AFG3L2: variants seen among roughly 807,000 people sequenced by gnomAD.
AFG3L2 encodes the protein mitochondrial inner membrane m-AAA protease component AFG3L2.
A neutral mutation model predicts 94.5 loss-of-function variants in AFG3L2; 54 were observed. The observed-to-expected ratio is 0.57, with a 90% CI of 0.46 to 0.72. The LOEUF (loss-of-function observed/expected upper bound fraction) is 0.72, where lower values mean the gene tolerates loss of function less well. Ranked by LOEUF, AFG3L2 falls within the 30% of genes least tolerant of loss-of-function variation. AFG3L2 has a pLI of 0.00. For missense variants in AFG3L2, 754 were observed against 994.9 expected, an observed-to-expected ratio of 0.76 and a Z score of 3.26; for synonymous variants, 377 against 365.5, an observed-to-expected ratio of 1.03 and a Z score of -0.36.
At chr18:12,340,696 AG>A (rs1157119854) in intron 14 of AFG3L2, among the ~76,000 whole-genome samples, 3 of 152,142 alleles carry the variant, frequency 2.0e-5, no homozygotes, top group African/African-American at 7.2e-5. Flanking sequence ...CCCGGGTTCA[AG>A]TGATTCTCCT....
At chr18:12,345,171 A>C (rs1364803296) in intron 13 of AFG3L2, among the ~76,000 whole-genome samples, 4 of 152,246 alleles carry the variant, frequency 2.6e-5, no homozygotes, top group African/African-American at 9.6e-5. Flanking sequence ...AGCAAGCCAC[A>C]GAAGTGGCAG....
chr18:12,338,430 C>A (rs1365656411), intron 15 of AFG3L2, among the ~76,000 whole-genome samples: 1 of 152,138 alleles, frequency 6.6e-6, no homozygotes. Flanking sequence ...AGGGAACAGT[C>A]TGAAGAAGCT....
chr18:12,335,648 A>T (rs1425856775), intron 16 of AFG3L2, among the ~76,000 whole-genome samples: 2 of 152,156 alleles, frequency 1.3e-5, no homozygotes, highest in Non-Finnish European at 2.9e-5. Flanking sequence ...ACCACCTGCA[A>T]GTGCAGCAGG....
At chr18:12,333,061 T>A (rs1398729304) in intron 16 of AFG3L2, among the ~76,000 whole-genome samples, 2 of 6,202 alleles carry the variant, frequency 3.2e-4, no homozygotes, top group Non-Finnish European at 6.6e-4. Context: ...TAATAGATTA[T>A]AATCTATTAT....
Position 12,329,425 on chromosome 18 carries a change from A to G in AFG3L2, c.*140T>C. ...ACCTCTGAGGCTGAAAGGACTAAGG[A>G]CTCCTTTCCCCATCATTTCAGCTGG... is the stretch of plus-strand genomic sequence containing the variant. On this transcript the variant is annotated 3_prime_UTR_variant, in exon 17 of 17. Coordinates refer to ENST00000269143, the MANE Select transcript of AFG3L2 (RefSeq NM_006796.3). 1.1e-6 allele frequency: 1 copy of G among 912,968 alleles called. No homozygotes were observed. The highest frequency in any genetic ancestry group is 1.8e-6 in the Non-Finnish European group (1 of 559,630). The allele number at this position is 912,968 out of a possible 1,614,324, so 56.6% of individuals were successfully genotyped here.
intron 2 of AFG3L2, 102 bp from the exon 3 acceptor site, chr18:12,371,028 G>C (rs896231644): frequency 2.5e-5 from 18 of 719,418 alleles, no homozygotes; most frequent in Non-Finnish European, 4.2e-5. Context: ...AAAAGCACAA[G>C]CTGGCCAGGC....
At chr18:12,346,107 C>T (rs1251123815) in intron 13 of AFG3L2, among the ~76,000 whole-genome samples, 1 of 152,190 alleles carries the variant, frequency 6.6e-6, no homozygotes, top group Non-Finnish European at 1.5e-5. Flanking sequence ...CGCCTCATTT[C>T]CTGTCCCCTC....
intron 1 of AFG3L2, among the ~76,000 whole-genome samples, chr18:12,376,349 T>C (rs1410618921): frequency 2.0e-5 from 3 of 152,248 alleles, no homozygotes; most frequent in Admixed American, 1.3e-4. Context: ...TCTATCATTA[T>C]GTCAGAAACA....
intron 12 of AFG3L2, 122 bp from the exon 13 acceptor site, chr18:12,348,505 G>T: frequency 1.3e-6 from 1 of 769,076 alleles, no homozygotes; most frequent in Non-Finnish European, 2.3e-6. Flanking sequence ...TAAAGGTTTT[G>T]TGTAAATATA....
chr18:12,352,344 C>T (rs532231498), intron 10 of AFG3L2, among the ~76,000 whole-genome samples: 1 of 152,148 alleles, frequency 6.6e-6, no homozygotes, highest in Admixed American at 6.5e-5. Flanking sequence ...ATCATTGAAG[C>T]CAGTTCAGTA....
intron 5 of AFG3L2, among the ~76,000 whole-genome samples, chr18:12,365,425 TTCATAAGA>T (rs1222146282): frequency 1.6e-4 from 25 of 152,118 alleles, no homozygotes; most frequent in African/African-American, 6.0e-4. Context: ...GATCCTCACT[TTCATAAGA>T]TAAACATGTT....
intron 8 of AFG3L2, among the ~76,000 whole-genome samples, 157 bp from the exon 9 acceptor site, chr18:12,356,988 TTAG>T (rs1908517022): frequency 6.6e-6 from 1 of 152,202 alleles, no homozygotes; most frequent in Non-Finnish European, 1.5e-5. Flanking sequence ...CATTTTTATA[TTAG>T]TAAGAATAAA....
chr18:12,331,861 A>ATATATATATATATATAT (rs1907543515), intron 16 of AFG3L2, among the ~76,000 whole-genome samples: 1 of 86,374 alleles, frequency 1.2e-5, no homozygotes, highest in African/African-American at 3.6e-5. Flanking sequence ...ATATATATAT[A>ATATATATATATATATAT]AAACAAGGGC....
At chr18:12,365,048 G>A (rs767389753) in intron 5 of AFG3L2, among the ~76,000 whole-genome samples, 3 of 152,206 alleles carry the variant, frequency 2.0e-5, no homozygotes, top group Non-Finnish European at 4.4e-5. Context: ...AGCGCTCTGG[G>A]ATGTGCTTAT....
intron 6 of AFG3L2, among the ~76,000 whole-genome samples, chr18:12,361,541 G>A (rs1908662282): frequency 6.6e-6 from 1 of 151,938 alleles, no homozygotes; most frequent in South Asian, 2.1e-4. Context: ...CCAGCTACTT[G>A]GGAGGCTGAG....
chr18:12,346,142 C>A (rs1908127852), intron 13 of AFG3L2, among the ~76,000 whole-genome samples: 1 of 152,200 alleles, frequency 6.6e-6, no homozygotes, highest in Non-Finnish European at 1.5e-5. Flanking sequence ...CTGTTACTGG[C>A]ACATCTTCCT....
chr18:12,365,871 C>CTTTTTTT (rs576247423), intron 5 of AFG3L2, among the ~76,000 whole-genome samples: 8 of 113,794 alleles, frequency 7.0e-5, no homozygotes, highest in African/African-American at 1.8e-4. Context: ...TGCATCAATT[C>CTTTTTTT]TTTTTTTTTT....
intron 9 of AFG3L2, 51 bp from the exon 10 acceptor site, chr18:12,353,209 T>C: frequency 6.2e-7 from 1 of 1,607,376 alleles, no homozygotes. Context: ...TTATGTATTC[T>C]CTGAATAAGA....
chr18:12,330,348 TAGG>T (rs1321556835), intron 16 of AFG3L2, among the ~76,000 whole-genome samples: 53 of 126,914 alleles, frequency 4.2e-4, no homozygotes, highest in South Asian at 2.4e-3. Flanking sequence ...CAAAAAAAAA[TAGG>T]AGGAGGCTGT....
Sources: allele counts gnomAD v4.1 joint callset (sites outside exome capture counted in the v4.1 genomes callset), GRCh38; gene constraint gnomAD v4.1.1; transcripts MANE v1.5; gene names NCBI Gene and HGNC (gene_info 2026-07-23, HGNC 2026-07-21).